Variants in SIK2 observed in about 807,000 individuals in gnomAD.
SIK2 encodes serine/threonine-protein kinase SIK2.
A neutral mutation model predicts 103.2 loss-of-function variants in SIK2; 29 were observed. The observed-to-expected ratio is 0.28, with a 90% confidence interval of 0.21 to 0.38. The LOEUF (loss-of-function observed/expected upper bound fraction) is 0.38. Ranked by LOEUF, SIK2 falls within the 10% of genes least tolerant of loss-of-function variation. The pLI, the probability that SIK2 is intolerant of heterozygous loss-of-function variation, is 1.00. For missense variants in SIK2, 879 were observed against 1,171.0 expected, an observed-to-expected ratio of 0.75 and a Z score of 3.64; for synonymous variants, 412 against 446.1, an observed-to-expected ratio of 0.92 and a Z score of 0.96.
intron 3 of SIK2, among the ~76,000 whole-genome samples, chr11:111,665,248 C>T (rs1383095091): frequency 6.6e-6 from 1 of 151,752 alleles, no homozygotes; most frequent in Non-Finnish European, 1.5e-5. Context: ...AAGTTCAAGA[C>T]CAGCCTGGGC....
At chr11:111,653,274 T>A (rs1942350146) in intron 3 of SIK2, among the ~76,000 whole-genome samples, 2 of 152,220 alleles carry the variant, frequency 1.3e-5, no homozygotes, top group Non-Finnish European at 2.9e-5. Context: ...GATTCTTTAG[T>A]CATAGTATAC....
Position 111,721,018 on chromosome 11 carries a change from C to T in SIK2, c.1900C>T (p.Pro634Ser), listed in dbSNP as rs1402881494. 6.2e-7 allele frequency: 1 copy of T among 1,613,924 alleles called. No individual in the cohort carries two copies. Among genetic ancestry groups the T allele is most frequent in the Non-Finnish European group, 8.5e-7 (1 of 1,179,954 alleles). Residue 634 changes from proline (P) to serine (S), a missense_variant, in exon 12 of 15, where the codon CCG (proline) becomes TCG (serine). This residue lies in a region of SIK2 where 375 missense variants were observed against 416.3 expected (regional missense o/e 0.90). Transcript: ENST00000304987. The part of the protein sequence containing the change: ...IGPEADPNLA[P>S]AAPQLQDLAS... ...ACCGGAGGCAGACCCTAACCTGGCG[C>T]CGGCGGCTCCTCAGCTCCAGGACCT... is the stretch of plus-strand genomic sequence containing the variant.
In SIK2 at chr11:111,691,196, T is replaced by G. The variant is rs556205090; in HGVS notation, c.478+3034T>G. 5.3e-5 allele frequency among the ~76,000 whole-genome samples: 8 copies of G among 152,206 alleles called. No homozygotes were observed. In the South Asian group the frequency reaches 1.7e-3, roughly 32 times the overall value. ...ATTGTGTGATATCTTAGGTTTTTGTTTTGTCTTTTTGGTTTTTATTTTTGC... is the reference window on the plus strand; with the variant it reads ...ATTGTGTGATATCTTAGGTTTTTGTGTTGTCTTTTTGGTTTTTATTTTTGC... On this transcript the variant is annotated intron_variant, in intron 4 of 14. Transcript: ENST00000304987.
At chr11:111,630,036 C>G (rs558736) in intron 3 of SIK2, among the ~76,000 whole-genome samples, 91,910 of 152,046 alleles carry the variant, frequency 0.6, 31,037 homozygotes, top group East Asian at 0.96. Flanking sequence ...TTTATAGCAG[C>G]CTTTTTTCAC....
chr11:111,715,793 C>CTTTTT (rs535843069), intron 9 of SIK2, among the ~76,000 whole-genome samples: 109 of 81,596 alleles, frequency 1.3e-3, no homozygotes, highest in East Asian at 2.5e-3. Context: ...TCATTTTTAG[C>CTTTTT]TTTTTTTTTT....
chr11:111,628,650 C>T (rs1285124211), intron 3 of SIK2, among the ~76,000 whole-genome samples: 1 of 151,978 alleles, frequency 6.6e-6, no homozygotes, highest in African/African-American at 2.4e-5. Flanking sequence ...TGGTCTCCAG[C>T]TCCTGGGTTC....
In SIK2 at chr11:111,726,223, C is replaced by T. The variant is rs1162203699; in HGVS notation, c.*2094C>T. ...GCCTGCAGATTGAAAATGGGGGCCACTCATTTCAGAACTGCAGGAATGGTG... is the reference window on the plus strand; with the variant it reads ...GCCTGCAGATTGAAAATGGGGGCCATTCATTTCAGAACTGCAGGAATGGTG... On this transcript the variant is annotated 3_prime_UTR_variant, in exon 15 of 15. Transcript: ENST00000304987. 3.3e-5 allele frequency: 5 copies of T among 152,198 alleles called. No individual in the cohort carries two copies. The highest frequency in any genetic ancestry group is 3.3e-4 in the Admixed American group (5 of 15,284). The allele number at this position is 152,198 out of a possible 1,614,324, so 9.4% of individuals were successfully genotyped here.
At chr11:111,716,741 A>G (rs538039323) in intron 9 of SIK2, among the ~76,000 whole-genome samples, 34 of 152,216 alleles carry the variant, frequency 2.2e-4, no homozygotes, top group Middle Eastern at 6.3e-3. Context: ...CTGACAATTT[A>G]AGTAAAACCG....
In SIK2 at chr11:111,726,470, C is replaced by T. The variant is rs1943970575; in HGVS notation, c.*2341C>T. 1 of 155,558 alleles carries T rather than the reference C, an allele frequency of 6.4e-6. No individual in the cohort carries two copies. Among genetic ancestry groups the T allele is most frequent in the Non-Finnish European group, 1.4e-5 (1 of 69,868 alleles). The allele number at this position is 155,558 out of a possible 1,614,324, so 9.6% of individuals were successfully genotyped here. A position where few individuals can be genotyped will look rare whatever the true frequency, so the allele number is the denominator to read the frequency against. On this transcript the variant is annotated 3_prime_UTR_variant, in exon 15 of 15. Coordinates refer to ENST00000304987, the MANE Select transcript of SIK2 (RefSeq NM_015191.3). ...CAGCGGCGTGGACACCGGCCTGATGCAGAGCGTGACCCCTCCTGCTGGGAC... is the reference window on the plus strand; with the variant it reads ...CAGCGGCGTGGACACCGGCCTGATGTAGAGCGTGACCCCTCCTGCTGGGAC...
intron 8 of SIK2, among the ~76,000 whole-genome samples, chr11:111,708,274 C>T (rs1200427077): frequency 6.6e-6 from 1 of 151,926 alleles, no homozygotes; most frequent in Non-Finnish European, 1.5e-5. Flanking sequence ...CCCAGCTATG[C>T]GGGAGGCTGA....
chr11:111,605,567 C>T (rs753774462), intron 1 of SIK2, among the ~76,000 whole-genome samples: 5 of 152,152 alleles, frequency 3.3e-5, no homozygotes, highest in Non-Finnish European at 5.9e-5. Context: ...GCTTTAACAT[C>T]GATACAAGTT....
chr11:111,639,769 G>A (rs1482415482), intron 3 of SIK2, among the ~76,000 whole-genome samples: 1 of 152,022 alleles, frequency 6.6e-6, no homozygotes, highest in African/African-American at 2.4e-5. Context: ...CTTGGGAAGG[G>A]GACTAAGACT....
In SIK2 at chr11:111,722,018, G is replaced by A; in HGVS notation, c.2055+78G>A. 2.6e-6 allele frequency: 3 copies of A among 1,159,758 alleles called. No individual in the cohort carries two copies. The highest frequency in any genetic ancestry group is 2.1e-4 in the Middle Eastern group (1 of 4,818). The allele number at this position is 1,159,758 out of a possible 1,614,324, so 71.8% of individuals were successfully genotyped here. On this transcript the variant is annotated intron_variant, in intron 13 of 14. Coordinates refer to ENST00000304987, the MANE Select transcript of SIK2 (RefSeq NM_015191.3). This position sits in a 1 kb window ranked among gnomAD's most constrained non-coding sequence, Gnocchi z 4.4. ...CTTCTGCAAAGCAGAAACGTGTTTT[G>A]CCTGGCATTTATTTAGGGTAGCTGC...
At chr11:111,716,108 T>C (rs1295518984) in intron 9 of SIK2, among the ~76,000 whole-genome samples, 2 of 152,162 alleles carry the variant, frequency 1.3e-5, no homozygotes, top group African/African-American at 4.8e-5. Context: ...AGCCCATTTT[T>C]AGCATTTTTA....
intron 3 of SIK2, among the ~76,000 whole-genome samples, chr11:111,631,452 G>T (rs937244917): frequency 5.9e-5 from 9 of 152,112 alleles, no homozygotes; most frequent in African/African-American, 2.2e-4. Context: ...CCAGGTTGAG[G>T]ATTAGAATGG....
chr11:111,708,034 A>T lies in SIK2; in HGVS notation c.1101+2895A>T, dbSNP rs991012019. ...GCACAGTCCTAGCCACTGTGGCTTC[A>T]GAAGTACCCTGGAAACAGTTGCTCC... On this transcript the variant is annotated intron_variant, in intron 8 of 14. Transcript: ENST00000304987. Among the ~76,000 whole-genome samples the T allele has an allele frequency of 1.2e-4, 19 of 152,340 alleles. No homozygotes were observed. In the Middle Eastern group the frequency reaches 0.014, roughly 109 times the overall value.
chr11:111,620,319 A>C lies in SIK2; in HGVS notation c.253-20A>C. ...TCCAGTACATTTCTGTCAGACTAAT[A>C]TGGAATTATTTATCAATAGGTAATG... On this transcript the variant is annotated intron_variant, in intron 2 of 14. Transcript: ENST00000304987. 6.7e-7 allele frequency: 1 copy of C among 1,482,282 alleles called. No homozygotes were observed. Among genetic ancestry groups the C allele is most frequent in the Non-Finnish European group, 9.3e-7 (1 of 1,078,748 alleles). The allele number at this position is 1,482,282 out of a possible 1,614,324, so 91.8% of individuals were successfully genotyped here.
rs146464264 is a variant in SIK2, at chr11:111,669,232, G to A, written c.317-18769G>A. ...GGACAGGGTGAGAGAGAGAGTGTGT[G>A]TGAGCATGCTAGAGGAAATACATTT... On this transcript the variant is annotated intron_variant, in intron 3 of 14. Coordinates refer to ENST00000304987, the MANE Select transcript of SIK2 (RefSeq NM_015191.3). Among the ~76,000 whole-genome samples, 33 of 152,286 alleles carry A rather than the reference G, an allele frequency of 2.2e-4. 2 individuals carry two copies. In the East Asian group the frequency reaches 6.2e-3, roughly 28 times the overall value.
chr11:111,653,341 C>T (rs539376489), intron 3 of SIK2, among the ~76,000 whole-genome samples: 16 of 152,322 alleles, frequency 1.1e-4, no homozygotes, highest in Admixed American at 8.5e-4. Context: ...GAACTGTTCT[C>T]GGAACCATAG....
Sources: allele counts gnomAD v4.1 joint callset (sites outside exome capture counted in the v4.1 genomes callset), GRCh38; gene constraint gnomAD v4.1.1; regional missense constraint gnomAD v4.1.1; non-coding constraint Gnocchi (gnomAD v3.1); transcripts MANE v1.5; gene names NCBI Gene and HGNC (gene_info 2026-07-23, HGNC 2026-07-21).